Variants in ULK4 observed in about 807,000 individuals in gnomAD.
ULK4 encodes the protein inactive serine/threonine-protein kinase ULK4.
A neutral mutation model predicts 160.6 loss-of-function variants in ULK4; 133 were observed. The observed-to-expected ratio is 0.83, with a 90% confidence interval of 0.72 to 0.96. ULK4 has a LOEUF of 0.96. Among genes scored for constraint, ULK4 ranks in the 40% least tolerant of loss-of-function variants. ULK4 has a pLI of 0.00. For missense variants in ULK4, 1,580 were observed against 1,499.5 expected (o/e 1.05, Z -0.89); for synonymous variants, 534 against 539.8 (o/e 0.99, Z 0.15).
chr3:41,430,901 G>GT (rs924498026), intron 34 of ULK4, among the ~76,000 whole-genome samples: 3 of 151,866 alleles, frequency 2.0e-5, no homozygotes, highest in African/African-American at 7.3e-5. Flanking sequence ...AAGCAATGAG[G>GT]TTTGGGGGTG....
At chr3:41,351,855 CCT>C (rs2080915526) in intron 35 of ULK4, among the ~76,000 whole-genome samples, 1 of 152,196 alleles carries the variant, frequency 6.6e-6, no homozygotes, top group Non-Finnish European at 1.5e-5. Flanking sequence ...TGACCTTCCC[CCT>C]GTCTAGGTCA....
chr3:41,503,103 T>G (rs1209681713), intron 32 of ULK4, among the ~76,000 whole-genome samples: 1 of 152,326 alleles, frequency 6.6e-6, no homozygotes, highest in East Asian at 1.9e-4. Flanking sequence ...TAACCAATCC[T>G]CTGGTTGACA....
chr3:41,545,807 A>T (rs1360438622), intron 32 of ULK4, among the ~76,000 whole-genome samples: 5 of 152,004 alleles, frequency 3.3e-5, no homozygotes, highest in Admixed American at 6.6e-5. Context: ...TCATTTTTTT[A>T]AATCTTTTCT....
chr3:41,374,867 T>A (rs915729351), intron 35 of ULK4, among the ~76,000 whole-genome samples: 15 of 152,262 alleles, frequency 9.9e-5, no homozygotes, highest in Non-Finnish European at 7.3e-5. Flanking sequence ...GCACATGACA[T>A]GACTGTATAT....
intron 11 of ULK4, among the ~76,000 whole-genome samples, chr3:41,910,367 G>C (rs1698737063): frequency 6.6e-6 from 1 of 152,086 alleles, no homozygotes; most frequent in African/African-American, 2.4e-5. Context: ...GGGAGGCCTG[G>C]TGGATCACCT....
At chr3:41,815,522 G>A (rs956570086) in intron 19 of ULK4, among the ~76,000 whole-genome samples, 1 of 152,070 alleles carries the variant, frequency 6.6e-6, no homozygotes, top group African/African-American at 2.4e-5. Context: ...GAGCAACTGT[G>A]CTTCTTGAAG....
chr3:41,909,766 G>C (rs1326951819), intron 11 of ULK4, among the ~76,000 whole-genome samples: 2 of 151,862 alleles, frequency 1.3e-5, no homozygotes, highest in Non-Finnish European at 2.9e-5. Context: ...AATGTATATA[G>C]ATAAACATAC....
At chr3:41,563,337 TG>T (rs1326833712) in intron 32 of ULK4, among the ~76,000 whole-genome samples, 3 of 152,188 alleles carry the variant, frequency 2.0e-5, no homozygotes, top group Non-Finnish European at 4.4e-5. Flanking sequence ...TTATGTGTCT[TG>T]GGGTTGCTCT....
chr3:41,286,747 AG>A (rs1192184374), intron 35 of ULK4, among the ~76,000 whole-genome samples: 3 of 152,188 alleles, frequency 2.0e-5, no homozygotes, highest in Non-Finnish European at 4.4e-5. Flanking sequence ...CCTTCCTTCT[AG>A]TCCATGCTCA....
intron 32 of ULK4, among the ~76,000 whole-genome samples, chr3:41,516,157 G>C (rs2085740554): frequency 6.6e-6 from 1 of 152,090 alleles, no homozygotes; most frequent in African/African-American, 2.4e-5. Flanking sequence ...AATAGGTCTT[G>C]AATCTATTAG....
In ULK4 at chr3:41,788,984, C is replaced by T. The variant is rs374053051; in HGVS notation, c.2193+677G>A. On this transcript the variant is annotated intron_variant, in intron 21 of 36. Transcript: ENST00000301831. ...TAGAGATCTCACTAAAATGTAGATTCTGATTCAGAAGGTCTGCATGGGGCC... is the reference window on the plus strand; with the variant it reads ...TAGAGATCTCACTAAAATGTAGATTTTGATTCAGAAGGTCTGCATGGGGCC... 4.2e-4 allele frequency among the ~76,000 whole-genome samples: 64 copies of T among 152,258 alleles called. No homozygotes were observed. The South Asian group carries it at 0.013, about 31-fold the overall frequency.
intron 35 of ULK4, among the ~76,000 whole-genome samples, chr3:41,307,843 T>C (rs1172944012): frequency 6.6e-6 from 1 of 152,016 alleles, no homozygotes; most frequent in African/African-American, 2.4e-5. Flanking sequence ...CATACATACA[T>C]ACACATATAA....
chr3:41,332,030 T>C (rs1041714652), intron 35 of ULK4, among the ~76,000 whole-genome samples: 1 of 152,228 alleles, frequency 6.6e-6, no homozygotes, highest in Non-Finnish European at 1.5e-5. Flanking sequence ...AAATAAAATG[T>C]GAAATTGTAT....
chr3:41,680,096 T>C (rs1187380736), intron 29 of ULK4, among the ~76,000 whole-genome samples: 2 of 152,212 alleles, frequency 1.3e-5, no homozygotes, highest in Non-Finnish European at 2.9e-5. Flanking sequence ...TATAACTATA[T>C]ATGAATACTT....
chr3:41,255,265 T>C (rs1317953183), intron 35 of ULK4, among the ~76,000 whole-genome samples: 1 of 151,898 alleles, frequency 6.6e-6, no homozygotes, highest in Admixed American at 6.6e-5. Flanking sequence ...GTGGATCACC[T>C]AAGGTCAGGA....
At chr3:41,647,446 G>A (rs1228610272) in intron 30 of ULK4, among the ~76,000 whole-genome samples, 2 of 151,446 alleles carry the variant, frequency 1.3e-5, no homozygotes, top group Admixed American at 6.6e-5. Context: ...GTTGGAGTTT[G>A]CTAGAGGTCC....
chr3:41,529,534 G>A (rs148777911), intron 32 of ULK4, among the ~76,000 whole-genome samples: 1 of 152,184 alleles, frequency 6.6e-6, no homozygotes, highest in Non-Finnish European at 1.5e-5. Flanking sequence ...ACCCAGGCTG[G>A]AGTGCAGTGG....
intron 1 of ULK4, among the ~76,000 whole-genome samples, chr3:41,958,043 C>CA (rs60057307): frequency 1.0e-3 from 122 of 118,440 alleles, no homozygotes; most frequent in East Asian, 5.1e-3. Flanking sequence ...GACCCTTTCT[C>CA]AAAAAAAAAA....
At chr3:41,913,987 G>T (rs1190839837) in intron 8 of ULK4, among the ~76,000 whole-genome samples, 1 of 152,006 alleles carries the variant, frequency 6.6e-6, no homozygotes, top group Non-Finnish European at 1.5e-5. Flanking sequence ...GCGGTGGGAG[G>T]AAAGAATATC....
Sources: allele counts gnomAD v4.1 joint callset (sites outside exome capture counted in the v4.1 genomes callset), GRCh38; gene constraint gnomAD v4.1.1; transcripts MANE v1.5; gene names NCBI Gene and HGNC (gene_info 2026-07-23, HGNC 2026-07-21).